The following ANAPC1 variants were observed in gnomAD, a reference collection of about 807,000 sequenced individuals.
ANAPC1 encodes the protein anaphase-promoting complex subunit 1.
Under a neutral mutation model 208.0 loss-of-function variants are expected in ANAPC1, and 36 were observed. That is an observed-to-expected ratio of 0.17 (90% CI 0.13 to 0.23). The LOEUF (loss-of-function observed/expected upper bound fraction) is 0.23, where lower values mean the gene tolerates loss of function less well. ANAPC1 is among the 10% of genes least tolerant of loss of function. ANAPC1 has a pLI of 1.00. For missense variants in ANAPC1, 942 were observed against 2,011.6 expected (o/e 0.47, Z 10.17); for synonymous variants, 378 against 695.2 (o/e 0.54, Z 7.18).
At position 111,790,457 on chromosome 2, in the gene ANAPC1, C is replaced by G. The variant is rs1170195415; in HGVS notation, c.4712+1905G>C. Among the ~76,000 whole-genome samples the G allele has an allele frequency of 6.6e-5, 10 of 152,246 alleles. No individual in the cohort carries two copies. In the East Asian group the frequency reaches 1.9e-3, roughly 29 times the overall value. Reference sequence around the variant, plus strand: ...CAAAACCTAATAGCCCAGAAATAAACACAGGTGTATAGGCACTTAACTTAT... The same window carrying G: ...CAAAACCTAATAGCCCAGAAATAAAGACAGGTGTATAGGCACTTAACTTAT... On this transcript the variant is annotated intron_variant, in intron 38 of 47. Transcript: ENST00000341068.
At chr2:111,771,575 T>C (rs1440962626) in intron 47 of ANAPC1, among the ~76,000 whole-genome samples, 1 of 150,850 alleles carries the variant, frequency 6.6e-6, no homozygotes, top group Non-Finnish European at 1.5e-5. Flanking sequence ...CTGTTGTACT[T>C]CCCTTTTCTT....
intron 42 of ANAPC1, among the ~76,000 whole-genome samples, 170 bp downstream of exon 42, chr2:111,783,727 T>C (rs1176657990): frequency 6.6e-6 from 1 of 152,290 alleles, no homozygotes; most frequent in East Asian, 1.9e-4. Context: ...CTAACACAAG[T>C]CCTGTTTCAA....
chr2:111,771,787 T>C (rs1676752828), intron 47 of ANAPC1, among the ~76,000 whole-genome samples: 1 of 152,098 alleles, frequency 6.6e-6, no homozygotes, highest in African/African-American at 2.4e-5. Flanking sequence ...AAAAATATTT[T>C]TTTTGAGAAT....
intron 43 of ANAPC1, among the ~76,000 whole-genome samples, chr2:111,781,808 G>T (rs2204093): frequency 6.7e-6 from 1 of 149,214 alleles, no homozygotes; most frequent in Non-Finnish European, 1.5e-5. Context: ...TGACCCCGCC[G>T]TGGGAATGAG....
At chr2:111,767,231 G>C (rs1236768535), downstream of ANAPC1, among the ~76,000 whole-genome samples, 3 of 151,064 alleles carry the variant, frequency 2.0e-5, no homozygotes, top group Non-Finnish European at 4.4e-5. Context: ...ACATGAGGTA[G>C]AGCAGTGTGA....
rs114810949 is a variant in ANAPC1, at chr2:111,825,766, C to T, written c.2704+11G>A. ...AAATTTGTTTCCAGAGGCAACATTGCACCAACTTACCTATAGTTATTCTGG... is the reference window on the plus strand; with the variant it reads ...AAATTTGTTTCCAGAGGCAACATTGTACCAACTTACCTATAGTTATTCTGG... On this transcript the variant is annotated intron_variant, in intron 22 of 47. Coordinates refer to ENST00000341068, the MANE Select transcript of ANAPC1 (RefSeq NM_022662.4). 6.4e-4 allele frequency: 1,030 copies of T among 1,606,944 alleles called. 8 individuals carry two copies. The African/African-American group carries it at 8.8e-3, about 14-fold the overall frequency.
At chr2:111,864,231 C>G (rs1682259862) in intron 8 of ANAPC1, among the ~76,000 whole-genome samples, 1 of 151,566 alleles carries the variant, frequency 6.6e-6, no homozygotes, top group Non-Finnish European at 1.5e-5. Context: ...AAGGCTGAGG[C>G]AGGAGGATCA....
intron 16 of ANAPC1, among the ~76,000 whole-genome samples, chr2:111,846,694 C>G (rs1399197536): frequency 6.6e-6 from 1 of 150,382 alleles, no homozygotes; most frequent in Non-Finnish European, 1.5e-5. Flanking sequence ...TTCAGACTCC[C>G]AAGTAGCTGA....
intron 46 of ANAPC1, among the ~76,000 whole-genome samples, chr2:111,775,805 C>T (rs1441575656): frequency 7.9e-5 from 12 of 152,172 alleles, no homozygotes; most frequent in South Asian, 2.1e-4. Context: ...TGAATAAAAA[C>T]GAAACACGAA....
intron 15 of ANAPC1, 57 bp from the exon 16 acceptor site, chr2:111,847,255 G>A (rs1348888868): frequency 3.0e-5 from 40 of 1,318,484 alleles, no homozygotes; most frequent in Non-Finnish European, 4.1e-5. Flanking sequence ...GTCTTTGAAT[G>A]TCTTAAAAAT....
intron 47 of ANAPC1, among the ~76,000 whole-genome samples, chr2:111,771,533 G>C (rs1256685059): frequency 2.0e-5 from 3 of 150,182 alleles, no homozygotes; most frequent in Non-Finnish European, 4.4e-5. Context: ...AATGCCTTTG[G>C]GGGAGAAGCT....
intron 1 of ANAPC1, among the ~76,000 whole-genome samples, chr2:111,881,369 G>A (rs1683289069): frequency 6.6e-6 from 1 of 152,056 alleles, no homozygotes; most frequent in Admixed American, 6.6e-5. Context: ...AAAGACATAG[G>A]TTTTCAAATG....
chr2:111,791,288 G>A (rs1677861096), intron 38 of ANAPC1, among the ~76,000 whole-genome samples: 1 of 149,598 alleles, frequency 6.7e-6, no homozygotes. Context: ...CCAATAACAA[G>A]GGTTGACAAG....
intron 16 of ANAPC1, 35 bp from the exon 17 acceptor site, chr2:111,843,634 C>T: frequency 1.3e-6 from 2 of 1,539,874 alleles, no homozygotes; most frequent in Non-Finnish European, 1.8e-6. Context: ...AGTATTCTTA[C>T]TCTGCATGCA....
chr2:111,850,289 G>A (rs1239491839), intron 14 of ANAPC1, among the ~76,000 whole-genome samples: 1 of 151,388 alleles, frequency 6.6e-6, no homozygotes, highest in Non-Finnish European at 1.5e-5. Flanking sequence ...CTGTGCCTGT[G>A]TGGTTTCTCC....
chr2:111,766,817 T>C (rs1676482927), downstream of ANAPC1: 2 of 378,294 alleles, frequency 5.3e-6, no homozygotes, highest in Non-Finnish European at 1.1e-5. Context: ...ACCTTATTGC[T>C]TCCTCTGGGA....
chr2:111,792,764 A>G (rs1489644988), intron 37 of ANAPC1, among the ~76,000 whole-genome samples: 1 of 151,890 alleles, frequency 6.6e-6, no homozygotes, highest in African/African-American at 2.4e-5. Context: ...CATCCCGGCT[A>G]ACATGGTGAA....
At chr2:111,783,860 TC>T in intron 42 of ANAPC1, 36 bp downstream of exon 42, 1 of 629,784 alleles carries the variant, frequency 1.6e-6, no homozygotes, top group East Asian at 2.7e-5. Context: ...TCTATTCACT[TC>T]CTAAAAGGTA....
chr2:111,831,415 A>G lies in ANAPC1; in HGVS notation c.2496T>C (p.His832=). 1 of 1,606,566 alleles carries G rather than the reference A, an allele frequency of 6.2e-7. No homozygotes were observed. Among genetic ancestry groups the G allele is most frequent in the Non-Finnish European group, 8.5e-7 (1 of 1,176,564 alleles). ...GCTCAGACGTAAAAAATGATGGATG[A>G]TGCATAAATCCTGTTTGACCTTTAA... is the stretch of plus-strand genomic sequence containing the variant. The part of the protein sequence containing the change: ...TIDPGQTGFM[H]HPSFFTSEPP... The change falls in exon 21 of 48, where the codon CAT becomes CAC. Residue 832 remains histidine (H), a synonymous_variant. Transcript: ENST00000341068.
Sources: allele counts gnomAD v4.1 joint callset (sites outside exome capture counted in the v4.1 genomes callset), GRCh38; gene constraint gnomAD v4.1.1; transcripts MANE v1.5; gene names NCBI Gene and HGNC (gene_info 2026-07-23, HGNC 2026-07-21).